Variants in EDA observed in about 807,000 individuals in gnomAD.
EDA encodes the protein ectodysplasin A, also known as ectodysplasin-A.
Under a neutral mutation model 23.6 loss-of-function variants are expected in EDA, and 2 were observed. The ratio of observed to expected loss-of-function variants is 0.08; its 90% confidence interval spans 0.03 to 0.27. The LOEUF (loss-of-function observed/expected upper bound fraction) is 0.27. Ranked by LOEUF, EDA falls within the 10% of genes least tolerant of loss-of-function variation. The pLI is 1.00. For missense variants in EDA, 229 were observed against 324.2 expected (o/e 0.71, Z 2.26); for synonymous variants, 131 against 132.0 (o/e 0.99, Z 0.05).
intron 1 of EDA, among the ~76,000 whole-genome samples, chrX:69,626,063 C>T (rs1932374962): frequency 9.0e-6 from 1 of 111,012 alleles, no homozygotes; most frequent in Non-Finnish European, 1.9e-5. Flanking sequence ...TACATGAAAA[C>T]ATGTTCGACA....
chrX:69,979,004 A>G (rs2019364010), intron 2 of EDA, among the ~76,000 whole-genome samples: 1 of 111,493 alleles, frequency 9.0e-6, no homozygotes, highest in African/African-American at 3.3e-5. Flanking sequence ...GTACATTTCC[A>G]GAACTTTTTC....
chrX:69,714,817 A>G (rs1225324196), intron 1 of EDA, among the ~76,000 whole-genome samples: 1 of 111,418 alleles, frequency 9.0e-6, no homozygotes, highest in Non-Finnish European at 1.9e-5. Flanking sequence ...AATATGTGCT[A>G]GAGTGATTCC....
chrX:69,648,299 G>A (rs970172464), intron 1 of EDA, among the ~76,000 whole-genome samples: 2 of 111,972 alleles, frequency 1.8e-5, no homozygotes, highest in African/African-American at 6.5e-5. Flanking sequence ...GAGTGGCTGA[G>A]TCAACCAAAC....
chrX:69,681,036 G>T (rs1033686465), intron 1 of EDA, among the ~76,000 whole-genome samples: 9 of 109,243 alleles, frequency 8.2e-5, no homozygotes. Context: ...AAATCTCTCA[G>T]CATTTGCTTG....
intron 1 of EDA, among the ~76,000 whole-genome samples, chrX:69,774,575 T>TA (rs199556553): frequency 0.3 from 32,821 of 110,183 alleles, 4,694 homozygotes; most frequent in Middle Eastern, 0.54. Flanking sequence ...TTTGTTATTT[T>TA]AAAAAAAGCA....
chrX:70,003,855 G>T (rs1232565201), intron 2 of EDA, among the ~76,000 whole-genome samples: 4 of 111,363 alleles, frequency 3.6e-5, no homozygotes, highest in Non-Finnish European at 7.5e-5. Flanking sequence ...TGACCAAGGA[G>T]CCCCATTTCC....
At chrX:70,029,153 A>T (rs919814456) in intron 4 of EDA, among the ~76,000 whole-genome samples, 2 of 112,975 alleles carry the variant, frequency 1.8e-5, no homozygotes, top group Admixed American at 9.3e-5. Context: ...AATTAATAGA[A>T]AGGGAGCAAA....
intron 1 of EDA, among the ~76,000 whole-genome samples, chrX:69,661,663 G>T (rs1933512116): frequency 1.8e-5 from 2 of 110,824 alleles, no homozygotes; most frequent in Non-Finnish European, 3.8e-5. Context: ...TTGTAGATGT[G>T]TGGTATTATT....
intron 1 of EDA, among the ~76,000 whole-genome samples, chrX:69,847,415 CA>C (rs1298648516): frequency 9.0e-6 from 1 of 111,412 alleles, no homozygotes; most frequent in African/African-American, 3.3e-5. Flanking sequence ...AATCAGGATA[CA>C]GAGCAGTTCC....
intron 1 of EDA, among the ~76,000 whole-genome samples, chrX:69,708,628 G>A (rs1345954003): frequency 9.0e-6 from 1 of 110,879 alleles, no homozygotes; most frequent in African/African-American, 3.3e-5. Context: ...TTGTAATTTG[G>A]TATTATTGTT....
In EDA at chrX:69,910,372, A is replaced by AGT. The variant is rs1488519660; in HGVS notation, c.397-46654_397-46653insTG. On this transcript the variant is annotated intron_variant, in intron 1 of 7. Coordinates refer to ENST00000374552, the MANE Select transcript of EDA (RefSeq NM_001399.5). ...AAAGGAGAGAGAGAGAGAGAGAGAG[A>AGT]GAGTGTGTGTGTGTGTGTGTGTGTG... Among the ~76,000 whole-genome samples, 444 of 51,404 alleles carry AGT rather than the reference A, an allele frequency of 8.6e-3. 2 individuals are homozygous for AGT. Among genetic ancestry groups the AGT allele is most frequent in the African/African-American group, 0.014 (189 of 13,529 alleles). 44.6% of individuals were successfully genotyped at this position (51,404 alleles called of 115,157 possible).
chrX:69,937,311 A>G, intron 1 of EDA: 2 of 652,135 alleles, frequency 3.1e-6, no homozygotes, highest in Non-Finnish European at 5.2e-6. Flanking sequence ...GAAAAAGGCC[A>G]TTCCTGTCAG....
chrX:69,942,835 C>T (rs1371090181), intron 1 of EDA, among the ~76,000 whole-genome samples: 2 of 110,707 alleles, frequency 1.8e-5, no homozygotes, highest in Non-Finnish European at 3.8e-5. Flanking sequence ...TGTATTTGCC[C>T]TTTTGAGGCT....
At chrX:69,865,667 T>C (rs986902657) in intron 1 of EDA, among the ~76,000 whole-genome samples, 2 of 111,544 alleles carry the variant, frequency 1.8e-5, no homozygotes, top group Non-Finnish European at 3.8e-5. Context: ...TCCAATCAAG[T>C]TGACACTTAG....
chrX:69,836,648 C>T (rs1401729671), intron 1 of EDA, among the ~76,000 whole-genome samples: 6 of 112,286 alleles, frequency 5.3e-5, no homozygotes, highest in Admixed American at 4.7e-4. Flanking sequence ...CACAGCTTCC[C>T]GTGGCTAGGA....
chrX:69,828,340 G>T (rs189472954), intron 1 of EDA, among the ~76,000 whole-genome samples: 148 of 112,418 alleles, frequency 1.3e-3, no homozygotes, highest in African/African-American at 3.3e-3. Flanking sequence ...TGCTGTGCTA[G>T]CAATCAGCGA....
At chrX:69,674,763 A>G (rs1354203037) in intron 1 of EDA, among the ~76,000 whole-genome samples, 1 of 111,240 alleles carries the variant, frequency 9.0e-6, no homozygotes, top group Non-Finnish European at 1.9e-5. Context: ...ATGGCTTCCT[A>G]TTTGCCAAAT....
Position 69,915,558 on chromosome X carries a change from G to A in EDA, c.397-41469G>A, listed in dbSNP as rs749767256. Reference sequence around the variant, plus strand: ...GCGGAGGTTGCAGTGAGCCAAGATCGTGCCATTGCAATCCAGCCTGGGCAA... The same window carrying A: ...GCGGAGGTTGCAGTGAGCCAAGATCATGCCATTGCAATCCAGCCTGGGCAA... On this transcript the variant is annotated intron_variant, in intron 1 of 7. Coordinates refer to ENST00000374552, the MANE Select transcript of EDA (RefSeq NM_001399.5). 1.8e-4 allele frequency among the ~76,000 whole-genome samples: 18 copies of A among 102,682 alleles called. 1 individual carries two copies. The highest frequency in any genetic ancestry group is 8.9e-4 in the Admixed American group (8 of 9,006). 89.2% of individuals were successfully genotyped at this position (102,682 alleles called of 115,157 possible).
intron 1 of EDA, among the ~76,000 whole-genome samples, chrX:69,784,885 C>T (rs534319101): frequency 1.4e-4 from 15 of 110,528 alleles, no homozygotes; most frequent in South Asian, 3.9e-4. Flanking sequence ...CCTTGGGCAG[C>T]ATGGCCATTT....
Sources: allele counts gnomAD v4.1 joint callset (sites outside exome capture counted in the v4.1 genomes callset), GRCh38; gene constraint gnomAD v4.1.1; transcripts MANE v1.5; gene names NCBI Gene and HGNC (gene_info 2026-07-23, HGNC 2026-07-21).